Variants in RUNX2 observed in about 807,000 individuals in gnomAD.
The protein encoded by RUNX2 is runt-related transcription factor 2.
In RUNX2, 10 loss-of-function variants were observed where a neutral mutation model predicts 51.7. The ratio of observed to expected loss-of-function variants is 0.19; its 90% CI spans 0.12 to 0.33. RUNX2 has a LOEUF of 0.33. RUNX2 is among the 10% of genes least tolerant of loss of function. The pLI, the probability that RUNX2 is intolerant of heterozygous loss-of-function variation, is 1.00. For missense variants in RUNX2, 562 were observed against 691.3 expected (o/e 0.81, Z 2.10); for synonymous variants, 276 against 273.6 (o/e 1.01, Z -0.09).
chr6:45,392,406 A>G (rs1347317687), intron 2 of RUNX2, among the ~76,000 whole-genome samples: 3 of 152,146 alleles, frequency 2.0e-5, no homozygotes, highest in Non-Finnish European at 4.4e-5. Context: ...GCTACTTGGG[A>G]AGCTGAGGCA....
intron 2 of RUNX2, among the ~76,000 whole-genome samples, chr6:45,400,154 G>C (rs1363851272): frequency 6.9e-6 from 1 of 143,890 alleles, no homozygotes; most frequent in Non-Finnish European, 1.5e-5. Flanking sequence ...AGGGAAGGAA[G>C]GAAAGAAGGA....
intron 2 of RUNX2, among the ~76,000 whole-genome samples, chr6:45,397,090 TA>T (rs561586929): frequency 7.2e-4 from 110 of 151,828 alleles, no homozygotes; most frequent in African/African-American, 2.6e-3. Flanking sequence ...GGTCATATGG[TA>T]AATTTATATT....
chr6:45,420,076 C>CAGAGT (rs1360697309), intron 2 of RUNX2, among the ~76,000 whole-genome samples: 5 of 152,054 alleles, frequency 3.3e-5, no homozygotes, highest in Non-Finnish European at 7.4e-5. Context: ...TTAGGAAGGA[C>CAGAGT]AGAGTAGTAT....
chr6:45,406,236 AC>A (rs59299204), intron 2 of RUNX2, among the ~76,000 whole-genome samples: 1,938 of 152,250 alleles, frequency 0.013, 40 homozygotes, highest in African/African-American at 0.044. Context: ...TGATAAGGGA[AC>A]TTAACCATAG....
At chr6:45,505,334 G>A (rs905758538) in intron 6 of RUNX2, among the ~76,000 whole-genome samples, 7 of 151,410 alleles carry the variant, frequency 4.6e-5, no homozygotes, top group African/African-American at 1.5e-4. Flanking sequence ...ATGTTTTCCC[G>A]GAGTCAGTTC....
intron 2 of RUNX2, chr6:45,422,159 C>T (rs1798216875): frequency 1.1e-5 from 2 of 187,152 alleles, no homozygotes; most frequent in Admixed American, 6.4e-5. Context: ...ACTGCTGAAC[C>T]CACACCGCTT....
At chr6:45,450,188 G>T (rs1192778411) in intron 5 of RUNX2, among the ~76,000 whole-genome samples, 1 of 152,200 alleles carries the variant, frequency 6.6e-6, no homozygotes, top group African/African-American at 2.4e-5. Context: ...ACCGACAATT[G>T]TTTCCAGTTA....
chr6:45,472,222 A>G (rs547861677), intron 5 of RUNX2, among the ~76,000 whole-genome samples: 25 of 152,312 alleles, frequency 1.6e-4, no homozygotes, highest in Admixed American at 3.9e-4. Context: ...TGCAAAAACT[A>G]GATGTAAAGG....
In RUNX2 at chr6:45,530,475, G is replaced by T. The variant is rs138656373; in HGVS notation, c.1022-14742G>T. Among the ~76,000 whole-genome samples the T allele has an allele frequency of 5.6e-3, 853 of 152,366 alleles. 10 individuals carry two copies. The highest frequency in any genetic ancestry group is 0.019 in the African/African-American group (793 of 41,588). On this transcript the variant is annotated intron_variant, in intron 7 of 8. Coordinates refer to ENST00000647337, the MANE Select transcript of RUNX2 (RefSeq NM_001024630.4). ...AGATTGGTACAAGTACAATCTGTGA[G>T]TTAGGCTTATTGCATTCCCCCACAG...
At chr6:45,451,173 C>T (rs528923258) in intron 5 of RUNX2, among the ~76,000 whole-genome samples, 2 of 152,044 alleles carry the variant, frequency 1.3e-5, no homozygotes, top group Middle Eastern at 3.4e-3. Flanking sequence ...GTAGGGAAAG[C>T]AGGTTGAGAA....
intron 5 of RUNX2, among the ~76,000 whole-genome samples, chr6:45,467,524 C>T (rs1799668625): frequency 6.6e-6 from 1 of 152,124 alleles, no homozygotes; most frequent in African/African-American, 2.4e-5. Flanking sequence ...TCAAGTGATC[C>T]ACCTGCTTCG....
intron 6 of RUNX2, among the ~76,000 whole-genome samples, chr6:45,501,037 A>G (rs1279946179): frequency 6.6e-6 from 1 of 152,200 alleles, no homozygotes; most frequent in Non-Finnish European, 1.5e-5. Flanking sequence ...GGGAAGGGGA[A>G]GGAGTGTCAT....
At chr6:45,386,034 G>C (rs1183586065) in intron 2 of RUNX2, among the ~76,000 whole-genome samples, 1 of 150,374 alleles carries the variant, frequency 6.7e-6, no homozygotes, top group East Asian at 1.9e-4. Context: ...TCCAGTCTTT[G>C]AGGGCTTACT....
chr6:45,424,905 G>C (rs1225150732), intron 3 of RUNX2, among the ~76,000 whole-genome samples: 1 of 151,998 alleles, frequency 6.6e-6, no homozygotes, highest in Non-Finnish European at 1.5e-5. Flanking sequence ...AATAGGAAAA[G>C]CTCAGAATAC....
intron 7 of RUNX2, among the ~76,000 whole-genome samples, chr6:45,516,374 G>T (rs1252714317): frequency 6.6e-6 from 1 of 152,182 alleles, no homozygotes. Context: ...CCATGTAATT[G>T]ACTAACAGGT....
intron 5 of RUNX2, among the ~76,000 whole-genome samples, chr6:45,482,517 A>T (rs1563105744): frequency 6.6e-6 from 1 of 152,226 alleles, no homozygotes; most frequent in Admixed American, 6.5e-5. Flanking sequence ...AAAGATCTCG[A>T]ATTCTTCAAT....
chr6:45,518,666 G>T (rs1204185999), intron 7 of RUNX2, among the ~76,000 whole-genome samples: 1 of 152,124 alleles, frequency 6.6e-6, no homozygotes, highest in African/African-American at 2.4e-5. Context: ...TTTCTCAGTT[G>T]TTTTTGTGGG....
chr6:45,549,725 T>A lies in RUNX2; in HGVS notation c.*2420T>A. 1 of 195,462 alleles carries A rather than the reference T, an allele frequency of 5.1e-6. No homozygotes were observed. The highest frequency in any genetic ancestry group is 1.0e-5 in the Non-Finnish European group (1 of 96,932). The allele number at this position is 195,462 out of a possible 1,614,324, so 12.1% of individuals were successfully genotyped here. Reference sequence around the variant, plus strand: ...GCATCCTATTTAATTAAAAAGGTACTATATTTGTACATTATTTTTTAATGT... The same window carrying A: ...GCATCCTATTTAATTAAAAAGGTACAATATTTGTACATTATTTTTTAATGT... On this transcript the variant is annotated 3_prime_UTR_variant, in exon 9 of 9. Transcript: ENST00000647337.
intron 7 of RUNX2, among the ~76,000 whole-genome samples, chr6:45,515,165 C>A (rs1801280812): frequency 6.6e-6 from 1 of 152,142 alleles, no homozygotes; most frequent in African/African-American, 2.4e-5. Context: ...CAATTTTCAT[C>A]TCCATATCTA....
Sources: gnomAD v4.1 joint callset for allele counts (sites outside exome capture counted in the v4.1 genomes callset) on GRCh38, gnomAD v4.1.1 for gene constraint, MANE v1.5 for transcripts, NCBI Gene and HGNC (gene_info 2026-07-23, HGNC 2026-07-21) for gene names.